Variants in UBE3D observed in about 807,000 individuals in gnomAD.
The protein encoded by UBE3D is E3 ubiquitin-protein ligase E3D.
A neutral mutation model predicts 49.6 loss-of-function variants in UBE3D; 48 were observed. The ratio of observed to expected loss-of-function variants is 0.97; its 90% CI spans 0.77 to 1.23. The LOEUF (loss-of-function observed/expected upper bound fraction) is 1.23, where lower values mean the gene tolerates loss of function less well. UBE3D is among the 50% of genes most tolerant of loss of function. UBE3D has a pLI of 0.00. For synonymous variants in UBE3D, 189 were observed against 174.2 expected (o/e 1.08, Z -0.67); for missense variants, 452 against 468.4 (o/e 0.96, Z 0.32).
chr6:83,035,259 GC>G (rs1782166812), intron 5 of UBE3D, among the ~76,000 whole-genome samples: 1 of 151,604 alleles, frequency 6.6e-6, no homozygotes, highest in African/African-American at 2.4e-5. Context: ...TAGTCCTGCT[GC>G]CCACTCCTTA....
intron 8 of UBE3D, among the ~76,000 whole-genome samples, chr6:82,970,566 G>A (rs1395197573): frequency 1.3e-5 from 2 of 152,148 alleles, no homozygotes; most frequent in African/African-American, 2.4e-5. Context: ...TGGGCCGGGC[G>A]CTGTGGCTCA....
At chr6:82,889,804 C>T (rs542476838), downstream of UBE3D, among the ~76,000 whole-genome samples, 1 of 151,864 alleles carries the variant, frequency 6.6e-6, no homozygotes, top group Admixed American at 6.6e-5. Context: ...GTACCTGTAA[C>T]TATGCTTGAA....
At chr6:82,983,181 T>C (rs975418795) in intron 8 of UBE3D, among the ~76,000 whole-genome samples, 1 of 150,800 alleles carries the variant, frequency 6.6e-6, no homozygotes, top group African/African-American at 2.4e-5. Flanking sequence ...TTATCTTTTT[T>C]GGTATCATTA....
At chr6:82,999,459 A>G (rs1779470957) in intron 8 of UBE3D, among the ~76,000 whole-genome samples, 1 of 152,138 alleles carries the variant, frequency 6.6e-6, no homozygotes, top group Non-Finnish European at 1.5e-5. Flanking sequence ...ATCTAGGCTC[A>G]TGGCAACCTC....
At chr6:83,038,946 C>T (rs115909632) in intron 4 of UBE3D, among the ~76,000 whole-genome samples, 146 of 152,228 alleles carry the variant, frequency 9.6e-4, no homozygotes, top group African/African-American at 3.4e-3. Flanking sequence ...TAACCCTTAA[C>T]TACAATAAAT....
downstream of UBE3D, among the ~76,000 whole-genome samples, chr6:82,891,844 G>A (rs994423500): frequency 6.6e-6 from 1 of 152,270 alleles, no homozygotes; most frequent in South Asian, 2.1e-4. Context: ...TGGCCAATAT[G>A]GCAAAACCCT....
chr6:82,943,441 C>T lies in UBE3D; in HGVS notation c.1149+13871G>A, dbSNP rs140265258. ...GCTTGGGCCCAGGAATTCAAGACCA[C>T]GCTGGGCAACATGGTGAAACCCCGT... On this transcript the variant is annotated intron_variant, in intron 9 of 9. Transcript: ENST00000369747. 5.3e-5 allele frequency among the ~76,000 whole-genome samples: 8 copies of T among 152,154 alleles called. No individual in the cohort carries two copies. The East Asian group carries it at 5.8e-4, about 11-fold the overall frequency.
intron 9 of UBE3D, among the ~76,000 whole-genome samples, chr6:82,934,219 T>A (rs1232301351): frequency 6.6e-6 from 1 of 152,180 alleles, no homozygotes; most frequent in Non-Finnish European, 1.5e-5. Flanking sequence ...CCACCATGAT[T>A]ATAAATTTCC....
At position 83,054,149 on chromosome 6, in the gene UBE3D, TG is replaced by T. The variant is rs1783657755; in HGVS notation, c.363del (p.Asp121GlufsTer18). ...CQSCGEVIIK[D>X]RKLLRVLPLP... ...ATCAGTGTTAAATATATTCCTTACC[TG>T]TCTTTTATTATGACTTCACCGCAGG... On this transcript the variant is annotated frameshift_variant and splice_region_variant, in exon 3 of 10. Coordinates refer to ENST00000369747, the MANE Select transcript of UBE3D (RefSeq NM_198920.3). LOFTEE classifies it high-confidence loss of function. 1 of 1,612,272 alleles carries T rather than the reference TG, an allele frequency of 6.2e-7. No individual in the cohort carries two copies. Among genetic ancestry groups the T allele is most frequent in the African/African-American group, 1.3e-5 (1 of 74,890 alleles).
intron 8 of UBE3D, among the ~76,000 whole-genome samples, chr6:82,996,688 T>C (rs1054387296): frequency 6.6e-6 from 1 of 152,184 alleles, no homozygotes; most frequent in African/African-American, 2.4e-5. Context: ...TATGATGTGA[T>C]GCTATTTTCT....
At chr6:83,022,643 G>A in intron 6 of UBE3D, 82 bp from the exon 7 acceptor site, 1 of 926,284 alleles carries the variant, frequency 1.1e-6, no homozygotes. Flanking sequence ...TACACACACG[G>A]TACCTAAAAG....
At chr6:82,952,347 C>A (rs1169226184) in intron 9 of UBE3D, among the ~76,000 whole-genome samples, 6 of 151,854 alleles carry the variant, frequency 4.0e-5, no homozygotes, top group Non-Finnish European at 1.5e-5. Flanking sequence ...AAGTACCAAT[C>A]ACTGAGAACG....
intron 8 of UBE3D, among the ~76,000 whole-genome samples, chr6:82,991,971 T>C (rs1778914855): frequency 1.3e-5 from 2 of 151,880 alleles, no homozygotes. Flanking sequence ...GTCCCTAATA[T>C]ATAAATTAAG....
chr6:83,040,568 A>G (rs1562217635), intron 4 of UBE3D, among the ~76,000 whole-genome samples: 1 of 152,168 alleles, frequency 6.6e-6, no homozygotes, highest in Non-Finnish European at 1.5e-5. Context: ...TTCTGAGATG[A>G]ATCCCTTCAT....
At chr6:83,025,139 T>C (rs1781365910) in intron 5 of UBE3D, among the ~76,000 whole-genome samples, 2 of 152,220 alleles carry the variant, frequency 1.3e-5, no homozygotes, top group African/African-American at 2.4e-5. Flanking sequence ...TTCTGTCCAT[T>C]ACACTAACCA....
intron 4 of UBE3D, among the ~76,000 whole-genome samples, chr6:83,042,229 T>C (rs927986267): frequency 9.2e-5 from 14 of 152,198 alleles, no homozygotes; most frequent in Non-Finnish European, 1.9e-4. Context: ...ATTTGTATTA[T>C]GTGGGCAGGC....
intron 9 of UBE3D, among the ~76,000 whole-genome samples, chr6:82,898,957 C>T (rs1771535948): frequency 6.6e-6 from 1 of 152,064 alleles, no homozygotes; most frequent in African/African-American, 2.4e-5. Context: ...GAATTTCCGC[C>T]TCCTGCTAAA....
At chr6:82,982,307 G>A (rs566218285) in intron 8 of UBE3D, among the ~76,000 whole-genome samples, 20 of 151,900 alleles carry the variant, frequency 1.3e-4, no homozygotes, top group South Asian at 2.1e-4. Flanking sequence ...TATCATATCC[G>A]TATCAAAAAA....
At chr6:83,019,425 G>A (rs1049596083) in intron 7 of UBE3D, among the ~76,000 whole-genome samples, 27 of 151,066 alleles carry the variant, frequency 1.8e-4, no homozygotes, top group African/African-American at 6.3e-4. Context: ...AACAGCCCAA[G>A]AGAAATACAG....
Sources: allele counts gnomAD v4.1 joint callset (sites outside exome capture counted in the v4.1 genomes callset), GRCh38; gene constraint gnomAD v4.1.1; transcripts MANE v1.5; gene names NCBI Gene and HGNC (gene_info 2026-07-23, HGNC 2026-07-21).